Variants in AGBL1 observed in about 807,000 individuals in gnomAD.
The protein encoded by AGBL1 is cytosolic carboxypeptidase 4.
A neutral mutation model predicts 118.9 loss-of-function variants in AGBL1; 130 were observed. The ratio of observed to expected loss-of-function variants is 1.09; its 90% CI spans 0.95 to 1.26. The LOEUF is 1.26. Ranked by LOEUF, AGBL1 falls within the 50% of genes most tolerant of loss-of-function variation. The pLI, the probability that AGBL1 is intolerant of heterozygous loss-of-function variation, is 0.00. For synonymous variants in AGBL1, 555 were observed against 478.9 expected (o/e 1.16, Z -2.08); for missense variants, 1,584 against 1,298.1 (o/e 1.22, Z -3.38).
Position 86,991,649 on chromosome 15 carries a change from G to A in AGBL1, c.3323+3561G>A, listed in dbSNP as rs1379849599. Among the ~76,000 whole-genome samples, 3 of 152,134 alleles carry A rather than the reference G, an allele frequency of 2.0e-5. No individual in the cohort carries two copies. In the East Asian group the frequency reaches 5.8e-4, roughly 29 times the overall value. On this transcript the variant is annotated intron_variant, in intron 24 of 24. Coordinates refer to the AGBL1 transcript ENST00000441037. The stretch of plus-strand genomic sequence containing the variant: ...TGAGGAGGAACTAGGATTTGAGCCT[G>A]GATGTGAATATTGTCTGTTTTACAC...
At chr15:86,119,603 C>A (rs1897968691) in intron 1 of AGBL1, among the ~76,000 whole-genome samples, 1 of 151,918 alleles carries the variant, frequency 6.6e-6, no homozygotes, top group South Asian at 2.1e-4. Context: ...ATGATGGACC[C>A]CACAATGGCT....
chr15:86,990,824 G>A (rs2081330495), intron 24 of AGBL1, among the ~76,000 whole-genome samples: 1 of 152,118 alleles, frequency 6.6e-6, no homozygotes, highest in African/African-American at 2.4e-5. Flanking sequence ...GGACAGGGAG[G>A]GAGAGTCCTT....
chr15:86,857,000 G>A (rs945105911), intron 22 of AGBL1, among the ~76,000 whole-genome samples: 5 of 152,068 alleles, frequency 3.3e-5, no homozygotes, highest in Non-Finnish European at 5.9e-5. Context: ...GTGGTCCTAC[G>A]TCCCAGCTGG....
At chr15:86,672,598 C>T (rs1567114692) in intron 21 of AGBL1, among the ~76,000 whole-genome samples, 1 of 152,128 alleles carries the variant, frequency 6.6e-6, no homozygotes, top group East Asian at 1.9e-4. Context: ...CAGGTGTGAC[C>T]TTCACTTCCA....
At chr15:86,659,556 G>T (rs916360163) in intron 21 of AGBL1, among the ~76,000 whole-genome samples, 3 of 152,032 alleles carry the variant, frequency 2.0e-5, no homozygotes, top group Non-Finnish European at 2.9e-5. Context: ...TCTGCTACCC[G>T]CCACGGCGTC....
At chr15:86,970,670 C>G (rs2081098332) in intron 23 of AGBL1, among the ~76,000 whole-genome samples, 1 of 151,856 alleles carries the variant, frequency 6.6e-6, no homozygotes, top group Non-Finnish European at 1.5e-5. Context: ...TTCTCTTTAT[C>G]CTAGCAAGGG....
chr15:86,473,551 A>G (rs2082510941), intron 18 of AGBL1, among the ~76,000 whole-genome samples: 1 of 151,488 alleles, frequency 6.6e-6, no homozygotes, highest in African/African-American at 2.4e-5. Context: ...ATTTTTTTCT[A>G]TTTGTTTTTT....
At chr15:86,557,078 A>G (rs2083745473) in intron 21 of AGBL1, among the ~76,000 whole-genome samples, 1 of 152,200 alleles carries the variant, frequency 6.6e-6, no homozygotes, top group South Asian at 2.1e-4. Flanking sequence ...TAATTAGAAA[A>G]AGAATTATCC....
At chr15:86,660,035 G>A (rs981532399) in intron 21 of AGBL1, among the ~76,000 whole-genome samples, 1 of 151,838 alleles carries the variant, frequency 6.6e-6, no homozygotes, top group Admixed American at 6.6e-5. Flanking sequence ...CACATTTGTA[G>A]CCACGGCTTG....
At chr15:86,482,799 T>C (rs2082669089) in intron 18 of AGBL1, among the ~76,000 whole-genome samples, 1 of 152,128 alleles carries the variant, frequency 6.6e-6, no homozygotes, top group Non-Finnish European at 1.5e-5. Context: ...TCAATCATTT[T>C]GCTTTACATG....
At chr15:86,585,597 C>G (rs1281722226) in intron 21 of AGBL1, among the ~76,000 whole-genome samples, 1 of 152,082 alleles carries the variant, frequency 6.6e-6, no homozygotes, top group Non-Finnish European at 1.5e-5. Flanking sequence ...AACTCCTGTT[C>G]TCAGGCAATC....
rs564553942 is a variant in AGBL1 at position 86,459,618 on chromosome 15, A to G, written c.2555+62072A>G. ...TTGATTCTGTTATATGATTTTATTG[A>G]TCACTCATCATGCCCCAGACACAGC... is the stretch of plus-strand genomic sequence containing the variant. On this transcript the variant is annotated intron_variant, in intron 18 of 22. Transcript: ENST00000614907. Among the ~76,000 whole-genome samples, 223 of 152,196 alleles carry G rather than the reference A, an allele frequency of 1.5e-3. 6 individuals are homozygous for G. The South Asian group carries it at 0.044, about 30-fold the overall frequency.
intron 19 of AGBL1, among the ~76,000 whole-genome samples, chr15:86,523,424 A>G (rs1184296913): frequency 6.6e-6 from 1 of 152,018 alleles, no homozygotes; most frequent in Non-Finnish European, 1.5e-5. Flanking sequence ...TCATAGTTTT[A>G]TCATACCTGC....
At chr15:86,977,654 AATG>A (rs1392123768) in intron 23 of AGBL1, among the ~76,000 whole-genome samples, 1 of 151,968 alleles carries the variant, frequency 6.6e-6, no homozygotes, top group African/African-American at 2.4e-5. Context: ...TTGTTATTAT[AATG>A]ATAGGAAAAT....
intron 1 of AGBL1, chr15:86,116,682 C>T (rs1897779908): frequency 6.6e-6 from 1 of 152,206 alleles, no homozygotes; most frequent in Admixed American, 6.6e-5. Flanking sequence ...GCAGAGCAAC[C>T]CCTACCCCTG....
At chr15:86,169,453 T>C (rs544260172) in intron 5 of AGBL1, among the ~76,000 whole-genome samples, 12 of 152,294 alleles carry the variant, frequency 7.9e-5, no homozygotes, top group African/African-American at 2.6e-4. Flanking sequence ...ACACAGGATT[T>C]TTCCTCAGTA....
At chr15:86,198,092 A>G (rs1024507383) in intron 5 of AGBL1, among the ~76,000 whole-genome samples, 5 of 152,156 alleles carry the variant, frequency 3.3e-5, no homozygotes, top group African/African-American at 1.2e-4. Context: ...GTGACAGAGC[A>G]TTGAACTAGA....
chr15:86,310,925 C>T (rs917266050), intron 17 of AGBL1, among the ~76,000 whole-genome samples: 2 of 152,132 alleles, frequency 1.3e-5, no homozygotes, highest in Non-Finnish European at 2.9e-5. Context: ...TTCCTGCTCT[C>T]CCGTTCTGTG....
intron 17 of AGBL1, among the ~76,000 whole-genome samples, chr15:86,379,800 CAG>C (rs758450453): frequency 2.0e-5 from 3 of 152,180 alleles, no homozygotes; most frequent in Non-Finnish European, 2.9e-5. Flanking sequence ...CCCTTCTCTA[CAG>C]AGTTTCAGAG....
Sources: gnomAD v4.1 joint callset for allele counts (sites outside exome capture counted in the v4.1 genomes callset) on GRCh38, gnomAD v4.1.1 for gene constraint, MANE v1.5 for transcripts, NCBI Gene and HGNC (gene_info 2026-07-23, HGNC 2026-07-21) for gene names.